The following ZNF677 variants were observed in gnomAD, a reference collection of about 807,000 sequenced individuals.
ZNF677 encodes zinc finger protein 677.
A neutral mutation model predicts 8.1 loss-of-function variants in ZNF677; 5 were observed. The ratio of observed to expected loss-of-function variants is 0.62; its 90% confidence interval spans 0.32 to 1.29. The LOEUF (loss-of-function observed/expected upper bound fraction) is 1.29, where lower values mean the gene tolerates loss of function less well. Among genes scored for constraint, ZNF677 ranks in the 50% most tolerant of loss-of-function variants. The probability of loss-of-function intolerance (pLI) is 0.05; values close to 1 mark genes in which losing one functional copy is unlikely to be tolerated. For synonymous variants in ZNF677, 221 were observed against 225.6 expected, an observed-to-expected ratio of 0.98 and a Z score of 0.18; for missense variants, 685 against 685.9, an observed-to-expected ratio of 1.00 and a Z score of 0.01.
intron 3 of ZNF677, among the ~76,000 whole-genome samples, chr19:53,244,232 A>G (rs879655761): frequency 3.9e-5 from 6 of 151,962 alleles, no homozygotes; most frequent in Non-Finnish European, 8.8e-5. Flanking sequence ...GCACACTGGA[A>G]TGGGCCTGTA....
chr19:53,250,722 G>A (rs1048298136), intron 3 of ZNF677, among the ~76,000 whole-genome samples: 14 of 152,130 alleles, frequency 9.2e-5, no homozygotes, highest in African/African-American at 3.1e-4. Context: ...TAATGGGTAC[G>A]AGGTTTAATA....
intron 3 of ZNF677, among the ~76,000 whole-genome samples, chr19:53,245,779 C>T (rs1263264880): frequency 6.6e-6 from 1 of 151,858 alleles, no homozygotes; most frequent in Non-Finnish European, 1.5e-5. Flanking sequence ...TTTGGGAGGC[C>T]GAGGTGGGCA....
At chr19:53,247,404 C>CA (rs924288687) in intron 3 of ZNF677, among the ~76,000 whole-genome samples, 1 of 150,596 alleles carries the variant, frequency 6.6e-6, no homozygotes, top group Non-Finnish European at 1.5e-5. Context: ...AAAAAAATCA[C>CA]AAAAAAATCT....
At chr19:53,248,242 TG>T (rs1369193012) in intron 3 of ZNF677, among the ~76,000 whole-genome samples, 3 of 152,250 alleles carry the variant, frequency 2.0e-5, no homozygotes, top group Non-Finnish European at 4.4e-5. Context: ...TATATAGCTC[TG>T]GCTGGTTCTC....
intron 2 of ZNF677, 75 bp downstream of exon 2, chr19:53,253,011 T>C (rs1410236162): frequency 6.6e-6 from 1 of 152,230 alleles, no homozygotes; most frequent in Non-Finnish European, 1.5e-5. Flanking sequence ...TTATATACTG[T>C]ATTCTTATAA....
chr19:53,238,490 A>C lies in ZNF677; in HGVS notation c.237T>G (p.His79Gln), dbSNP rs1456680370. The change falls in exon 5 of 5, where the codon CAT becomes CAG. Residue 79 changes from histidine (H) to glutamine (Q), a missense_variant. Transcript: ENST00000598513. ...TTTCCTTTCTTTCTAATATCACCAG[A>C]TGGTATAATTCCTCTTTATTATTTT... ...PKENNKEELY[H>Q]LVILERKESH... 6.2e-7 allele frequency: 1 copy of C among 1,610,974 alleles called. No homozygotes were observed. Among genetic ancestry groups the C allele is most frequent in the Admixed American group, 1.7e-5 (1 of 59,732 alleles).
chr19:53,250,464 T>C (rs545699086), intron 3 of ZNF677, among the ~76,000 whole-genome samples: 3 of 152,292 alleles, frequency 2.0e-5, no homozygotes, highest in Non-Finnish European at 2.9e-5. Flanking sequence ...AAAGAAAATG[T>C]GGTACACATA....
chr19:53,251,360 G>A (rs908460521), intron 3 of ZNF677, among the ~76,000 whole-genome samples, 176 bp downstream of exon 3: 8 of 152,242 alleles, frequency 5.3e-5, no homozygotes, highest in Admixed American at 1.3e-4. Flanking sequence ...CCAAAGTTCC[G>A]TGTTACCGGG....
chr19:53,246,730 T>A (rs2091149402), intron 3 of ZNF677, among the ~76,000 whole-genome samples: 1 of 151,850 alleles, frequency 6.6e-6, no homozygotes, highest in African/African-American at 2.4e-5. Flanking sequence ...AGGTGCTGAG[T>A]GGGGAAATGG....
chr19:53,254,027 C>G (rs970392938), intron 1 of ZNF677, among the ~76,000 whole-genome samples: 2 of 152,124 alleles, frequency 1.3e-5, no homozygotes, highest in African/African-American at 4.8e-5. Flanking sequence ...ATAAGGGTTG[C>G]TTCTGATGTA....
At chr19:53,241,276 A>G in intron 4 of ZNF677, 1 of 152,232 alleles carries the variant, frequency 6.6e-6, no homozygotes, top group Non-Finnish European at 1.5e-5. Context: ...CACTAAGAGT[A>G]TCATGAAAAC....
chr19:53,246,395 G>C (rs1359226996), intron 3 of ZNF677, among the ~76,000 whole-genome samples: 1 of 151,682 alleles, frequency 6.6e-6, no homozygotes, highest in Non-Finnish European at 1.5e-5. Flanking sequence ...ATCTTGAAGA[G>C]AGATAGGTAC....
chr19:53,244,069 T>C (rs1445697923), intron 3 of ZNF677, 172 bp from the exon 4 acceptor site: 1 of 645,680 alleles, frequency 1.5e-6, no homozygotes, highest in African/African-American at 1.9e-5. Context: ...AACATAAAAT[T>C]AGCTATTTGA....
intron 3 of ZNF677, among the ~76,000 whole-genome samples, chr19:53,250,343 T>C (rs2091215060): frequency 6.6e-6 from 1 of 152,122 alleles, no homozygotes. Flanking sequence ...AACCCAGCAA[T>C]CCCATCATGC....
At position 53,237,861 on chromosome 19, in the gene ZNF677, C is replaced by A; in HGVS notation, c.866G>T (p.Arg289Ile). The change falls in exon 5 of 5, where the codon AGA becomes ATA. Residue 289 changes from arginine to isoleucine, a missense_variant. Physicochemically the swap from Arg to Ile is moderately conservative, Grantham distance 97 (BLOSUM62 -3). Transcript: ENST00000598513. ...TNHQRIHSGQ[R>I]PYKCNECGKA... ...GCCACACTCGTTACATTTGTAAGGTCTCTGTCCAGAGTGAATTCTCTGATG... is the reference window on the plus strand; with the variant it reads ...GCCACACTCGTTACATTTGTAAGGTATCTGTCCAGAGTGAATTCTCTGATG... 1 of 1,613,682 alleles carries A rather than the reference C, an allele frequency of 6.2e-7. No individual in the cohort carries two copies. The highest frequency in any genetic ancestry group is 8.5e-7 in the Non-Finnish European group (1 of 1,179,952).
chr19:53,249,121 A>G (rs994836783), intron 3 of ZNF677: 2 of 152,064 alleles, frequency 1.3e-5, no homozygotes, highest in Non-Finnish European at 2.9e-5. Context: ...CTTCTATTTC[A>G]CTTCTTTTTA....
At chr19:53,246,623 G>GA (rs1194853155) in intron 3 of ZNF677, among the ~76,000 whole-genome samples, 2 of 152,056 alleles carry the variant, frequency 1.3e-5, no homozygotes, top group African/African-American at 4.8e-5. Flanking sequence ...TTATGTAAGT[G>GA]AAATAGGCCA....
Position 53,237,610 on chromosome 19 carries a change from T to C in ZNF677, c.1117A>G (p.Lys373Glu). The C allele has an allele frequency of 1.2e-6, 2 of 1,613,992 alleles. No homozygotes were observed. The highest frequency in any genetic ancestry group is 1.1e-5 in the South Asian group (1 of 91,048). The change falls in exon 5 of 5, where the codon AAA becomes GAA. Residue 373 changes from lysine (K) to glutamate (E), a missense_variant. By Grantham distance (56) the Lys-to-Glu change is moderately conservative (BLOSUM62 1). Transcript: ENST00000598513. The part of the protein sequence containing the change: ...WGHERIHTGE[K>E]PYKCNECDKA... The stretch of plus-strand genomic sequence containing the variant: ...TCACATTCATTACATTTGTAAGGTT[T>C]CTCTCCAGTATGAATTCTTTCATGA...
At position 53,236,734 on chromosome 19, in the gene ZNF677, G is replaced by C; in HGVS notation, c.*238C>G. 1 of 354,896 alleles carries C rather than the reference G, an allele frequency of 2.8e-6. No individual in the cohort carries two copies. Among genetic ancestry groups the C allele is most frequent in the East Asian group, 5.0e-5 (1 of 20,126 alleles). 22.0% of individuals were successfully genotyped at this position (354,896 alleles called of 1,614,324 possible). A position where few individuals can be genotyped will look rare whatever the true frequency, so the allele number is the denominator to read the frequency against. On this transcript the variant is annotated 3_prime_UTR_variant, in exon 5 of 5. Coordinates refer to ENST00000598513, the MANE Select transcript of ZNF677 (RefSeq NM_182609.4). ...AATGTCTTCTGTTATAACCATAATA[G>C]GGTAAATATTTTTATAAAGCTGTTC... is the stretch of plus-strand genomic sequence containing the variant.
Sources: allele counts gnomAD v4.1 joint callset (sites outside exome capture counted in the v4.1 genomes callset), GRCh38; gene constraint gnomAD v4.1.1; transcripts MANE v1.5; gene names NCBI Gene and HGNC (gene_info 2026-07-23, HGNC 2026-07-21).